HDAC8: variants seen among roughly 807,000 people sequenced by gnomAD.
HDAC8 encodes histone deacetylase 8.
HDAC8 carries 1 observed loss-of-function variant against 32.2 expected under a neutral mutation model. That is an observed-to-expected ratio of 0.03 (90% CI 0.01 to 0.15). The LOEUF is 0.15. Among genes scored for constraint, HDAC8 ranks in the 10% least tolerant of loss-of-function variants. HDAC8 has a pLI of 1.00. For synonymous variants in HDAC8, 108 were observed against 113.9 expected (o/e 0.95, Z 0.33); for missense variants, 117 against 300.0 (o/e 0.39, Z 4.51).
intron 9 of HDAC8, among the ~76,000 whole-genome samples, chrX:72,408,766 C>T (rs2046114680): frequency 9.0e-6 from 1 of 111,314 alleles, no homozygotes; most frequent in Non-Finnish European, 1.9e-5. Flanking sequence ...TGGGGGTATG[C>T]CAGGTATGTT....
chrX:72,490,210 C>G (rs1286803964), intron 6 of HDAC8, among the ~76,000 whole-genome samples: 5 of 110,237 alleles, frequency 4.5e-5, no homozygotes, highest in Middle Eastern at 4.6e-3. Context: ...CCTCAGGGAT[C>G]TAGAACTAGA....
rs1156738245 is a variant in HDAC8 at position 72,447,740 on chromosome X, T to A, written c.1005+14264A>T. ...CAGCTGATAAGCAACTTCAGCAAAG[T>A]CTCAGGATACAAAATCAATGTGCAA... On this transcript the variant is annotated intron_variant, in intron 9 of 10. Transcript: ENST00000373573. Among the ~76,000 whole-genome samples, 4 of 112,125 alleles carry A rather than the reference T, an allele frequency of 3.6e-5. No individual in the cohort carries two copies. The East Asian group carries it at 1.1e-3, about 31-fold the overall frequency.
intron 7 of HDAC8, among the ~76,000 whole-genome samples, chrX:72,468,624 C>T (rs1236738108): frequency 9.0e-6 from 1 of 111,514 alleles, no homozygotes; most frequent in Non-Finnish European, 1.9e-5. Flanking sequence ...CACAATTTTT[C>T]TCATTCTGCC....
chrX:72,361,205 G>T (rs2044539200), intron 9 of HDAC8, among the ~76,000 whole-genome samples: 1 of 112,012 alleles, frequency 8.9e-6, no homozygotes, highest in South Asian at 3.7e-4. Flanking sequence ...GAACTGCTTG[G>T]TGGTGAGGCT....
chrX:72,468,022 A>G, intron 7 of HDAC8: 1 of 1,184,225 alleles, frequency 8.4e-7, no homozygotes, highest in Non-Finnish European at 1.1e-6. Flanking sequence ...CTGGATGGGT[A>G]TTGAAAAGGT....
At chrX:72,526,764 T>C (rs2050165429) in intron 4 of HDAC8, among the ~76,000 whole-genome samples, 1 of 111,608 alleles carries the variant, frequency 9.0e-6, no homozygotes, top group Non-Finnish European at 1.9e-5. Context: ...CTCTTCCTCC[T>C]GTATTCTTAA....
intron 2 of HDAC8, among the ~76,000 whole-genome samples, chrX:72,570,416 T>C (rs782371128): frequency 1.8e-5 from 2 of 111,351 alleles, no homozygotes; most frequent in East Asian, 5.7e-4. Context: ...ATGGAAGGCA[T>C]ATAGTTACTA....
At chrX:72,383,095 T>C (rs1406180770) in intron 9 of HDAC8, among the ~76,000 whole-genome samples, 2 of 111,935 alleles carry the variant, frequency 1.8e-5, no homozygotes, top group Non-Finnish European at 3.8e-5. Context: ...ACTGCTACAG[T>C]CCTCTATCAT....
chrX:72,540,657 C>G (rs903663678), intron 4 of HDAC8, among the ~76,000 whole-genome samples: 3 of 111,178 alleles, frequency 2.7e-5, no homozygotes, highest in Admixed American at 9.6e-5. Flanking sequence ...AACCTCTCAC[C>G]TTCTCTCTCT....
intron 9 of HDAC8, among the ~76,000 whole-genome samples, chrX:72,410,008 CAGA>C (rs1343646868): frequency 8.9e-6 from 1 of 112,123 alleles, no homozygotes; most frequent in Non-Finnish European, 1.9e-5. Flanking sequence ...TTAGAAAGAA[CAGA>C]AGAAGACAGA....
At chrX:72,450,405 G>T (rs1026474521) in intron 9 of HDAC8, among the ~76,000 whole-genome samples, 2 of 111,527 alleles carry the variant, frequency 1.8e-5, no homozygotes, top group Non-Finnish European at 3.8e-5. Context: ...CACACAAATG[G>T]GCTCATGTAA....
At chrX:72,541,279 C>T (rs2050700632) in intron 4 of HDAC8, among the ~76,000 whole-genome samples, 1 of 110,837 alleles carries the variant, frequency 9.0e-6, no homozygotes, top group African/African-American at 3.3e-5. Flanking sequence ...AAAAGCATTC[C>T]AGGCAGTGGG....
At chrX:72,448,599 T>C (rs977627113) in intron 9 of HDAC8, among the ~76,000 whole-genome samples, 1 of 112,034 alleles carries the variant, frequency 8.9e-6, no homozygotes. Context: ...CTAATTAAAC[T>C]AAAGAGCTTC....
At chrX:72,387,267 A>G (rs1602654027) in intron 9 of HDAC8, among the ~76,000 whole-genome samples, 1 of 111,836 alleles carries the variant, frequency 8.9e-6, no homozygotes, top group East Asian at 2.8e-4. Flanking sequence ...CTTGGAGGGA[A>G]GAGGGAAATC....
intron 9 of HDAC8, among the ~76,000 whole-genome samples, chrX:72,398,950 AT>A (rs1283284558): frequency 9.1e-6 from 1 of 109,943 alleles, no homozygotes; most frequent in African/African-American, 3.3e-5. Flanking sequence ...GGCAGGACAA[AT>A]AATATGGGGC....
chrX:72,543,240 G>A (rs1033488402), intron 4 of HDAC8, among the ~76,000 whole-genome samples: 3 of 111,620 alleles, frequency 2.7e-5, no homozygotes, highest in Non-Finnish European at 3.8e-5. Context: ...GGCTAGAAAC[G>A]ATTGATGCCT....
intron 9 of HDAC8, among the ~76,000 whole-genome samples, chrX:72,455,159 CTTTGTTTATA>C (rs2047686005): frequency 8.9e-6 from 1 of 111,871 alleles, no homozygotes; most frequent in East Asian, 2.8e-4. Context: ...GCTGGAGCAA[CTTTGTTTATA>C]TTTGCATGGA....
intron 9 of HDAC8, among the ~76,000 whole-genome samples, chrX:72,361,743 G>A (rs949493167): frequency 9.1e-6 from 1 of 109,371 alleles, no homozygotes; most frequent in Non-Finnish European, 1.9e-5. Context: ...AATAAGGTCT[G>A]GTGACTGCTC....
chrX:72,473,636 G>C, intron 7 of HDAC8: 1 of 743,585 alleles, frequency 1.3e-6, no homozygotes, highest in Non-Finnish European at 1.6e-6. Flanking sequence ...AGGCACCAGA[G>C]TTTTTGCTCT....
Sources: gnomAD v4.1 joint callset for allele counts (sites outside exome capture counted in the v4.1 genomes callset) on GRCh38, gnomAD v4.1.1 for gene constraint, MANE v1.5 for transcripts, NCBI Gene and HGNC (gene_info 2026-07-23, HGNC 2026-07-21) for gene names.